The following PTPRD variants were observed in gnomAD, a reference collection of about 807,000 sequenced individuals.
The protein encoded by PTPRD is receptor-type tyrosine-protein phosphatase delta.
PTPRD carries 34 observed loss-of-function variants against 214.5 expected under a neutral mutation model. The ratio of observed to expected loss-of-function variants is 0.16; its 90% confidence interval spans 0.12 to 0.21. PTPRD has a LOEUF of 0.21. Ranked by LOEUF, PTPRD falls within the 10% of genes least tolerant of loss-of-function variation. The pLI is 1.00. For missense variants in PTPRD, 2,545 were observed against 2,398.7 expected (o/e 1.06, Z -1.27); for synonymous variants, 1,128 against 845.7 (o/e 1.33, Z -5.79).
At chr9:9,173,485 T>G (rs909638762) in intron 10 of PTPRD, among the ~76,000 whole-genome samples, 1 of 152,090 alleles carries the variant, frequency 6.6e-6, no homozygotes, top group Admixed American at 6.6e-5. Flanking sequence ...TAGAGTGTCC[T>G]TACAAAAACT....
rs552787005 is a variant in PTPRD at position 10,157,151 on chromosome 9, A to C, written c.-544-123361T>G. 4.6e-5 allele frequency among the ~76,000 whole-genome samples: 7 copies of C among 152,248 alleles called. No individual in the cohort carries two copies. In the East Asian group the frequency reaches 1.4e-3, roughly 29 times the overall value. The stretch of plus-strand genomic sequence containing the variant: ...CTACATTCAAGTTTAGTATTGATAC[A>C]TGTGGATTTGATTCTGTCATCATGA... On this transcript the variant is annotated intron_variant, in intron 3 of 45. Transcript: ENST00000381196.
chr9:8,462,409 T>C (rs995145945), intron 32 of PTPRD, among the ~76,000 whole-genome samples: 5 of 152,018 alleles, frequency 3.3e-5, no homozygotes, highest in African/African-American at 1.2e-4. Flanking sequence ...TCTCATAGTC[T>C]CCACTGCTGC....
chr9:10,214,708 G>T (rs1299193412), intron 3 of PTPRD, among the ~76,000 whole-genome samples: 1 of 152,064 alleles, frequency 6.6e-6, no homozygotes, highest in Non-Finnish European at 1.5e-5. Context: ...ATTTTATGAA[G>T]AATCACAATT....
chr9:9,426,963 G>C (rs1309969137), intron 8 of PTPRD, among the ~76,000 whole-genome samples: 1 of 152,122 alleles, frequency 6.6e-6, no homozygotes, highest in Admixed American at 6.5e-5. Context: ...GGAAAAAACA[G>C]AGCAGAAAAG....
chr9:9,452,218 TG>T (rs2092332732), intron 8 of PTPRD, among the ~76,000 whole-genome samples: 1 of 151,532 alleles, frequency 6.6e-6, no homozygotes, highest in Non-Finnish European at 1.5e-5. Context: ...ACTATCATTT[TG>T]TCAGCAAAAA....
At chr9:9,274,242 T>C (rs1332792096) in intron 9 of PTPRD, among the ~76,000 whole-genome samples, 1 of 151,330 alleles carries the variant, frequency 6.6e-6, no homozygotes, top group Non-Finnish European at 1.5e-5. Context: ...ATACACAGTC[T>C]TGTGTTTTAC....
intron 5 of PTPRD, among the ~76,000 whole-genome samples, chr9:9,783,564 C>T (rs1414551055): frequency 6.6e-6 from 1 of 152,066 alleles, no homozygotes. Flanking sequence ...CCAAGATGTA[C>T]ATTTTAATTA....
chr9:10,167,329 C>A (rs1473790949), intron 3 of PTPRD, among the ~76,000 whole-genome samples: 3 of 151,934 alleles, frequency 2.0e-5, no homozygotes, highest in Admixed American at 6.6e-5. Flanking sequence ...GCGTGCACGT[C>A]TAAATAAATT....
At chr9:10,087,660 C>T (rs559195416) in intron 3 of PTPRD, among the ~76,000 whole-genome samples, 1 of 151,638 alleles carries the variant, frequency 6.6e-6, no homozygotes, top group Non-Finnish European at 1.5e-5. Context: ...GGAAATTAAG[C>T]ATTCATCTTG....
chr9:8,524,351 T>C (rs1001704290), intron 18 of PTPRD, among the ~76,000 whole-genome samples: 1 of 152,320 alleles, frequency 6.6e-6, no homozygotes, highest in East Asian at 1.9e-4. Context: ...TGTGCACATA[T>C]ATGAATACAC....
intron 9 of PTPRD, among the ~76,000 whole-genome samples, chr9:9,341,760 T>C (rs2046887772): frequency 6.6e-6 from 1 of 152,098 alleles, no homozygotes; most frequent in African/African-American, 2.4e-5. Context: ...TAATGATATA[T>C]GTAGACTGAA....
chr9:8,359,425 AG>A (rs1351141133), intron 39 of PTPRD, among the ~76,000 whole-genome samples: 1 of 151,816 alleles, frequency 6.6e-6, no homozygotes, highest in Admixed American at 6.6e-5. Flanking sequence ...CCCAGGTTCA[AG>A]CAATTCTCTT....
intron 8 of PTPRD, among the ~76,000 whole-genome samples, chr9:9,404,222 G>C (rs933779022): frequency 6.6e-6 from 1 of 152,076 alleles, no homozygotes; most frequent in Non-Finnish European, 1.5e-5. Context: ...GTTTTAAGAA[G>C]TTGAGTGACA....
At chr9:9,612,882 T>C (rs917080568) in intron 7 of PTPRD, among the ~76,000 whole-genome samples, 3 of 152,030 alleles carry the variant, frequency 2.0e-5, no homozygotes, top group African/African-American at 7.2e-5. Flanking sequence ...TGTTTAAATA[T>C]AGTTTTGAAA....
chr9:10,061,098 G>A (rs778258890), intron 3 of PTPRD, among the ~76,000 whole-genome samples: 14 of 151,476 alleles, frequency 9.2e-5, no homozygotes, highest in Non-Finnish European at 1.5e-5. Flanking sequence ...TCAGGTATAT[G>A]GTGTTCAGCC....
chr9:9,149,837 G>A (rs1444956744), intron 10 of PTPRD, among the ~76,000 whole-genome samples: 2 of 152,160 alleles, frequency 1.3e-5, no homozygotes, highest in Non-Finnish European at 2.9e-5. Flanking sequence ...CTTCATGAGG[G>A]CGTATCACTG....
At chr9:10,472,735 T>C (rs1288400943) in intron 2 of PTPRD, among the ~76,000 whole-genome samples, 4 of 152,124 alleles carry the variant, frequency 2.6e-5, no homozygotes, top group Admixed American at 2.6e-4. Context: ...AATTCTCTTA[T>C]ACATGGAGAA....
Position 9,302,224 on chromosome 9 carries a change from T to C in PTPRD, c.-203+95225A>G, listed in dbSNP as rs560948715. 3.9e-4 allele frequency among the ~76,000 whole-genome samples: 60 copies of C among 152,068 alleles called. 1 individual carries two copies. Among genetic ancestry groups the C allele is most frequent in the Admixed American group, 3.6e-3 (55 of 15,214 alleles). ...TAAATTGCTTTTTTTCCCGAAAATATGTTATGGCATTTCCTTCTGGCCCTA... is the reference window on the plus strand; with the variant it reads ...TAAATTGCTTTTTTTCCCGAAAATACGTTATGGCATTTCCTTCTGGCCCTA... On this transcript the variant is annotated intron_variant, in intron 9 of 45. Coordinates refer to ENST00000381196, the MANE Select transcript of PTPRD (RefSeq NM_002839.4).
At chr9:8,321,475 GTGTGTGTGTGTGTA>G (rs1168116652) in intron 44 of PTPRD, among the ~76,000 whole-genome samples, 2 of 99,968 alleles carry the variant, frequency 2.0e-5, no homozygotes, top group African/African-American at 8.0e-5. Flanking sequence ...GTGTGTGTGT[GTGTGTGTGTGTGTA>G]TATATATATA....
Sources: allele counts gnomAD v4.1 joint callset (sites outside exome capture counted in the v4.1 genomes callset), GRCh38; gene constraint gnomAD v4.1.1; transcripts MANE v1.5; gene names NCBI Gene and HGNC (gene_info 2026-07-23, HGNC 2026-07-21).